The following OLFML2B variants were observed in gnomAD, a reference collection of about 807,000 sequenced individuals.
OLFML2B encodes olfactomedin-like protein 2B.
Under a neutral mutation model 74.9 loss-of-function variants are expected in OLFML2B, and 57 were observed. That is an observed-to-expected ratio of 0.76 (90% confidence interval 0.61 to 0.95). The LOEUF is 0.95. OLFML2B is among the 40% of genes least tolerant of loss of function. OLFML2B has a pLI of 0.00. For missense variants in OLFML2B, 986 were observed against 970.6 expected (o/e 1.02, Z -0.21); for synonymous variants, 388 against 405.8 (o/e 0.96, Z 0.53).
At chr1:161,989,448 C>T (rs992399084) in intron 6 of OLFML2B, among the ~76,000 whole-genome samples, 12 of 152,190 alleles carry the variant, frequency 7.9e-5, no homozygotes, top group African/African-American at 2.7e-4. Flanking sequence ...AACATAAAAA[C>T]ACATCTTAGG....
Position 161,987,370 on chromosome 1 carries a change from A to G in OLFML2B, c.1475-2390T>C, listed in dbSNP as rs139498898. On this transcript the variant is annotated intron_variant, in intron 6 of 7. Coordinates refer to ENST00000294794, the MANE Select transcript of OLFML2B (RefSeq NM_015441.3). ...AAAAAAATCCTGAGATGGGGAGACT[A>G]TACTGGACTATCTGGGTGGTCCTAT... Among the ~76,000 whole-genome samples, 73 of 152,344 alleles carry G rather than the reference A, an allele frequency of 4.8e-4. 1 individual carries two copies. The highest frequency in any genetic ancestry group is 1.6e-3 in the African/African-American group (66 of 41,588).
intron 3 of OLFML2B, among the ~76,000 whole-genome samples, chr1:162,011,815 C>A (rs1690397067): frequency 6.6e-6 from 1 of 152,164 alleles, no homozygotes; most frequent in Non-Finnish European, 1.5e-5. Context: ...GTAATCTTAC[C>A]CCTTAAAATA....
At chr1:162,012,404 A>G (rs1257973536) in intron 3 of OLFML2B, among the ~76,000 whole-genome samples, 1 of 152,220 alleles carries the variant, frequency 6.6e-6, no homozygotes, top group Non-Finnish European at 1.5e-5. Flanking sequence ...AGAAACACAA[A>G]AGCCACCAAA....
intron 5 of OLFML2B, 45 bp downstream of exon 5, chr1:162,000,068 C>T (rs1364833127): frequency 1.4e-6 from 2 of 1,470,730 alleles, no homozygotes; most frequent in East Asian, 2.3e-5. Flanking sequence ...ATGGTGACTT[C>T]CTCCCTACCC....
At chr1:161,999,072 G>A (rs1442717089) in intron 5 of OLFML2B, among the ~76,000 whole-genome samples, 12 of 152,198 alleles carry the variant, frequency 7.9e-5, no homozygotes, top group South Asian at 2.1e-4. Flanking sequence ...GAGGACAGGC[G>A]CTGGGCATGC....
Position 161,984,284 on chromosome 1 carries a change from TG to T in OLFML2B, c.1652-9del, listed in dbSNP as rs1689525003. 1 of 1,517,134 alleles carries T rather than the reference TG, an allele frequency of 6.6e-7. No individual in the cohort carries two copies. The highest frequency in any genetic ancestry group is 8.8e-7 in the Non-Finnish European group (1 of 1,133,622). 94.0% of individuals were successfully genotyped at this position (1,517,134 alleles called of 1,614,324 possible). A position where few individuals can be genotyped will look rare whatever the true frequency, so the allele number is the denominator to read the frequency against. ...AGGAATTGCTCCAGCGACCTGCAGG[TG>T]GGGAGAAAACAGGAGGCTTCAGAGT... is the stretch of plus-strand genomic sequence containing the variant. On this transcript the variant is annotated splice_polypyrimidine_tract_variant and intron_variant, in intron 7 of 7. Coordinates refer to ENST00000294794, the MANE Select transcript of OLFML2B (RefSeq NM_015441.3).
intron 6 of OLFML2B, among the ~76,000 whole-genome samples, chr1:161,989,623 C>T (rs766032999): frequency 9.2e-5 from 14 of 152,154 alleles, no homozygotes; most frequent in Non-Finnish European, 1.5e-4. Context: ...AAGGGCTGCC[C>T]TTCATTTAAT....
intron 1 of OLFML2B, among the ~76,000 whole-genome samples, chr1:162,022,003 T>C (rs1419837767): frequency 6.6e-6 from 1 of 152,082 alleles, no homozygotes. Context: ...AGCTGATTAT[T>C]CTCTCTACAG....
chr1:161,988,478 T>C (rs1049800720), intron 6 of OLFML2B, among the ~76,000 whole-genome samples: 1 of 151,816 alleles, frequency 6.6e-6, no homozygotes, highest in Non-Finnish European at 1.5e-5. Context: ...CCCCTTGGGG[T>C]GTTCTCCAGT....
At chr1:162,022,343 C>T (rs796153851) in intron 1 of OLFML2B, among the ~76,000 whole-genome samples, 17 of 145,446 alleles carry the variant, frequency 1.2e-4, no homozygotes, top group African/African-American at 3.5e-4. Context: ...CTCCACCTCC[C>T]GGGTTCAAGC....
chr1:161,986,887 G>A (rs534462228), intron 6 of OLFML2B, among the ~76,000 whole-genome samples: 2 of 152,354 alleles, frequency 1.3e-5, no homozygotes, highest in East Asian at 1.9e-4. Flanking sequence ...ATGAGGTGAG[G>A]TGTTTTCTGT....
Position 162,020,049 on chromosome 1 carries a change from T to G in OLFML2B, c.308A>C (p.Tyr103Ser). ...GCCTGAGGTGATGGTTTCCACGGTATAGAAGTCTTCCTTCCTGGAGGCCCC... is the reference window on the plus strand; with the variant it reads ...GCCTGAGGTGATGGTTTCCACGGTAGAGAAGTCTTCCTTCCTGGAGGCCCC... ...NAGASRKEDF[Y>S]TVETITSGSS... Residue 103 changes from tyrosine (Y) to serine (S), a missense_variant, in exon 2 of 8, where the codon TAT becomes TCT. Tyr to Ser is a moderately radical substitution (Grantham distance 144). Coordinates refer to ENST00000294794, the MANE Select transcript of OLFML2B (RefSeq NM_015441.3). The G allele has an allele frequency of 6.2e-7, 1 of 1,614,178 alleles. No individual in the cohort carries two copies. Among genetic ancestry groups the G allele is most frequent in the Non-Finnish European group, 8.5e-7 (1 of 1,180,026 alleles).
Position 162,017,519 on chromosome 1 carries a change from G to C in OLFML2B, c.439-12C>G. ...ATGATTGTGGAGAGCTATGAAACAA[G>C]GCAAGGGGTTAGTCCAGGGCTGGGG... On this transcript the variant is annotated splice_polypyrimidine_tract_variant and intron_variant, in intron 2 of 7. Coordinates refer to ENST00000294794, the MANE Select transcript of OLFML2B (RefSeq NM_015441.3). The C allele has an allele frequency of 1.2e-6, 2 of 1,600,886 alleles. No individual in the cohort carries two copies. Among genetic ancestry groups the C allele is most frequent in the Non-Finnish European group, 1.7e-6 (2 of 1,171,286 alleles).
intron 6 of OLFML2B, among the ~76,000 whole-genome samples, chr1:161,985,926 A>C (rs1288808759): frequency 1.3e-5 from 2 of 152,220 alleles, no homozygotes; most frequent in Admixed American, 1.3e-4. Context: ...CACTGGAACT[A>C]TACTGGGTTC....
intron 3 of OLFML2B, among the ~76,000 whole-genome samples, chr1:162,008,001 A>G (rs1690280086): frequency 6.6e-6 from 1 of 152,188 alleles, no homozygotes; most frequent in Non-Finnish European, 1.5e-5. Context: ...AATGCTCAGA[A>G]TGAGTGATCT....
At chr1:162,006,614 T>C in intron 3 of OLFML2B, 141 bp from the exon 4 acceptor site, 1 of 668,178 alleles carries the variant, frequency 1.5e-6, no homozygotes, top group Non-Finnish European at 2.4e-6. Context: ...GGCTAGAGAG[T>C]GTGCCCAGCC....
chr1:162,000,411 C>T, intron 4 of OLFML2B, 73 bp from the exon 5 acceptor site: 1 of 1,288,600 alleles, frequency 7.8e-7, no homozygotes, highest in East Asian at 2.4e-5. Flanking sequence ...GGGGGCAAGG[C>T]TGGAGCCAAG....
Position 161,997,885 on chromosome 1 carries a change from T to C in OLFML2B, c.1414A>G (p.Thr472Ala). ...LGKDAPAGWGTTPASPTLSPE... is the reference protein window; with the variant it reads ...LGKDAPAGWGATPASPTLSPE... ...CTCAGCGTGGGGCTGGCAGGGGTTG[T>C]TCCCCACCCAGCAGGAGCATCTTTC... The change falls in exon 6 of 8, where the codon ACA becomes GCA. Residue 472 changes from threonine (T) to alanine (A), a missense_variant. Coordinates refer to ENST00000294794, the MANE Select transcript of OLFML2B (RefSeq NM_015441.3). 1 of 1,614,184 alleles carries C rather than the reference T, an allele frequency of 6.2e-7. No individual in the cohort carries two copies. The highest frequency in any genetic ancestry group is 8.5e-7 in the Non-Finnish European group (1 of 1,180,024).
At chr1:161,989,183 ATCT>A (rs1318011210) in intron 6 of OLFML2B, among the ~76,000 whole-genome samples, 2 of 152,204 alleles carry the variant, frequency 1.3e-5, no homozygotes, top group Admixed American at 1.3e-4. Flanking sequence ...CAAGATGCAC[ATCT>A]TCTTAAACCC....
Sources: gnomAD v4.1 joint callset for allele counts (sites outside exome capture counted in the v4.1 genomes callset) on GRCh38, gnomAD v4.1.1 for gene constraint, MANE v1.5 for transcripts, NCBI Gene and HGNC (gene_info 2026-07-23, HGNC 2026-07-21) for gene names.